RBMX: variants seen among roughly 807,000 people sequenced by gnomAD.
The protein encoded by RBMX is RNA-binding motif protein, X chromosome.
Under a neutral mutation model 29.3 loss-of-function variants are expected in RBMX, and 1 was observed. The ratio of observed to expected loss-of-function variants is 0.03; its 90% CI spans 0.01 to 0.16. RBMX has a LOEUF of 0.16. Ranked by LOEUF, RBMX falls within the 10% of genes least tolerant of loss-of-function variation. The probability of loss-of-function intolerance (pLI) is 1.00; values close to 1 mark genes in which losing one functional copy is unlikely to be tolerated. For missense variants in RBMX, 121 were observed against 333.2 expected, an observed-to-expected ratio of 0.36 and a Z score of 4.96; for synonymous variants, 102 against 102.3, an observed-to-expected ratio of 1.00 and a Z score of 0.02.
At chrX:136,876,023 A>T in intron 5 of RBMX, among the ~76,000 whole-genome samples, 1 of 110,429 alleles carries the variant, frequency 9.1e-6, no homozygotes, top group South Asian at 3.9e-4. Context: ...ACTGGCCTCG[A>T]ACTCCGGGCC....
At chrX:136,873,459 G>A, downstream of RBMX, 1 of 754,205 alleles carries the variant, frequency 1.3e-6, no homozygotes, top group Non-Finnish European at 1.6e-6. Context: ...GCAGCTTCAT[G>A]GTTGGTTTTG....
Position 136,873,872 on chromosome X carries a change from G to A in RBMX, c.*270C>T, listed in dbSNP as rs2077700863. On this transcript the variant is annotated 3_prime_UTR_variant, in exon 9 of 9. Transcript: ENST00000320676. Reference sequence around the variant, plus strand: ...ATCAGATAGGAAGTGGCCTTTAGGGGATACTTTTACTTGGAAAGTTACAAC... The same window carrying A: ...ATCAGATAGGAAGTGGCCTTTAGGGAATACTTTTACTTGGAAAGTTACAAC... The A allele has an allele frequency of 1.1e-6, 1 of 939,939 alleles. No individual in the cohort carries two copies. The highest frequency in any genetic ancestry group is 1.3e-6 in the Non-Finnish European group (1 of 757,377). 77.5% of individuals were successfully genotyped at this position (939,939 alleles called of 1,213,427 possible).
chrX:136,871,809 G>C (rs867241856), downstream of RBMX, among the ~76,000 whole-genome samples: 29 of 78,105 alleles, frequency 3.7e-4, no homozygotes, highest in South Asian at 2.8e-3. Context: ...ACCACGCCCG[G>C]TGTTTTTTTT....
intron 5 of RBMX, 57 bp from the exon 6 acceptor site, chrX:136,875,642 A>G: frequency 3.4e-6 from 4 of 1,170,279 alleles, no homozygotes; most frequent in Non-Finnish European, 2.3e-6. Flanking sequence ...TAAAACGTGA[A>G]CTTACATTCA....
intron 8 of RBMX, 172 bp downstream of exon 8, chrX:136,874,914 G>GA: frequency 1.0e-6 from 1 of 957,367 alleles, no homozygotes; most frequent in Non-Finnish European, 1.4e-6. Flanking sequence ...AAGAAACTTA[G>GA]AAAAACAAAA....
intron 3 of RBMX, among the ~76,000 whole-genome samples, chrX:136,878,592 A>G (rs982785621): frequency 1.7e-4 from 14 of 81,141 alleles, no homozygotes; most frequent in Non-Finnish European, 2.9e-4. Flanking sequence ...CTAAAAATAC[A>G]AAGTTAGCCG....
At chrX:136,879,165 C>T in intron 2 of RBMX, 42 bp from the exon 3 acceptor site, 1 of 1,209,286 alleles carries the variant, frequency 8.3e-7, no homozygotes, top group South Asian at 1.8e-5. Context: ...TACCCTAGGT[C>T]AAATGAAATA....
downstream of RBMX, among the ~76,000 whole-genome samples, chrX:136,870,784 CAAAAAA>C (rs1244678130): frequency 2.2e-5 from 1 of 45,054 alleles, no homozygotes; most frequent in Admixed American, 2.9e-4. Flanking sequence ...GAAGCCATCT[CAAAAAA>C]AAAAAAAGAA....
chrX:136,871,831 T>C (rs1486704199), downstream of RBMX, among the ~76,000 whole-genome samples: 3 of 102,981 alleles, frequency 2.9e-5, no homozygotes, highest in East Asian at 6.1e-4. Flanking sequence ...TTTTTTTTTT[T>C]TCTAGTACAG....
chrX:136,870,808 AAAAG>A (rs1332033990), downstream of RBMX, among the ~76,000 whole-genome samples: 1 of 107,769 alleles, frequency 9.3e-6, no homozygotes, highest in Non-Finnish European at 1.9e-5. Context: ...GAAAAAGAAA[AAAAG>A]AAAAAAAAAG....
At chrX:136,874,623 T>C in intron 8 of RBMX, 171 bp from the exon 9 acceptor site, 2 of 559,626 alleles carry the variant, frequency 3.6e-6, no homozygotes, top group Admixed American at 4.1e-5. Flanking sequence ...TCTGCTGAGA[T>C]ATGGAATTGG....
chrX:136,877,328 AC>A (rs765225668), intron 4 of RBMX, among the ~76,000 whole-genome samples: 3,826 of 25,188 alleles, frequency 0.15, 315 homozygotes, highest in Middle Eastern at 0.4. Context: ...GCTAAACTCT[AC>A]CCCCCCCCCC....
chrX:136,878,951 T>C (rs1281223976), intron 3 of RBMX, 66 bp downstream of exon 3: 5 of 1,182,673 alleles, frequency 4.2e-6, no homozygotes, highest in African/African-American at 1.8e-5. Context: ...TAGACCAGAC[T>C]TGGACAACTA....
rs953562523 is a variant in RBMX at position 136,875,617 on chromosome X, G to C, written c.542-32C>G. ...GAAAAATATCATTTTTTTAAACATA[G>C]CCAGAGAAAAAAGTTAAAACGTGAA... On this transcript the variant is annotated intron_variant, in intron 5 of 8. Coordinates refer to ENST00000320676, the MANE Select transcript of RBMX (RefSeq NM_002139.4). 4 of 1,186,739 alleles carry C rather than the reference G, an allele frequency of 3.4e-6. No individual in the cohort carries two copies. In the African/African-American group the frequency reaches 7.2e-5, roughly 21 times the overall value.
At chrX:136,878,637 G>T (rs1209622851) in intron 3 of RBMX, among the ~76,000 whole-genome samples, 1 of 33,705 alleles carries the variant, frequency 3.0e-5, no homozygotes, top group African/African-American at 1.2e-4. Flanking sequence ...CCCAGCTACT[G>T]GGGGGGGGGG....
downstream of RBMX, chrX:136,872,811 A>T (rs1374056332): frequency 8.8e-6 from 1 of 113,541 alleles, no homozygotes; most frequent in Non-Finnish European, 1.8e-5. Flanking sequence ...CAAGTCAGGC[A>T]TCCAACTAAA....
chrX:136,870,698 G>A (rs1164856570), downstream of RBMX, among the ~76,000 whole-genome samples: 3 of 104,844 alleles, frequency 2.9e-5, no homozygotes, highest in Non-Finnish European at 5.8e-5. Flanking sequence ...GGGCACGGTG[G>A]TGCACACCCG....
rs1318621479 is a variant in RBMX at position 136,873,973 on chromosome X, T to C, written c.*169A>G. 855 of 1,083,222 alleles carry C rather than the reference T, an allele frequency of 7.9e-4. No individual in the cohort carries two copies. Among genetic ancestry groups the C allele is most frequent in the Non-Finnish European group, 8.1e-4 (676 of 834,939 alleles). The allele number at this position is 1,083,222 out of a possible 1,213,427, so 89.3% of individuals were successfully genotyped here. ...GAAAGTCAAATAAAATTAAACATGT[T>C]TTACTTTTTTCCTCACAAGAACATA... On this transcript the variant is annotated 3_prime_UTR_variant, in exon 9 of 9. Transcript: ENST00000320676.
chrX:136,872,448 G>GA, downstream of RBMX: 2 of 668,257 alleles, frequency 3.0e-6, no homozygotes, highest in Non-Finnish European at 4.7e-6. Flanking sequence ...GGCAAGTTCA[G>GA]ACTTGCAGCT....
Sources: gnomAD v4.1 joint callset for allele counts (sites outside exome capture counted in the v4.1 genomes callset) on GRCh38, gnomAD v4.1.1 for gene constraint, MANE v1.5 for transcripts, NCBI Gene and HGNC (gene_info 2026-07-23, HGNC 2026-07-21) for gene names.